RGL1: variants seen among roughly 807,000 people sequenced by gnomAD.
The protein encoded by RGL1 is ral guanine nucleotide dissociation stimulator-like 1.
In RGL1, 24 loss-of-function variants were observed where a neutral mutation model predicts 95.2. That is an observed-to-expected ratio of 0.25 (90% CI 0.18 to 0.35). The LOEUF (loss-of-function observed/expected upper bound fraction) is 0.35. Ranked by LOEUF, RGL1 falls within the 10% of genes least tolerant of loss-of-function variation. The pLI is 1.00. For missense variants in RGL1, 715 were observed against 936.3 expected (o/e 0.76, Z 3.08); for synonymous variants, 329 against 344.9 (o/e 0.95, Z 0.51).
intron 1 of RGL1, among the ~76,000 whole-genome samples, chr1:183,680,061 GTTGT>G (rs1553269258): frequency 2.0e-5 from 3 of 152,074 alleles, no homozygotes; most frequent in African/African-American, 4.8e-5. Flanking sequence ...TTTTGATGGG[GTTGT>G]TTGTTTTTTT....
At chr1:183,867,800 T>G (rs778809605) in intron 4 of RGL1, among the ~76,000 whole-genome samples, 2 of 152,160 alleles carry the variant, frequency 1.3e-5, no homozygotes, top group Admixed American at 6.5e-5. Context: ...ATATTCATTT[T>G]GGGGCCAAAA....
intron 1 of RGL1, among the ~76,000 whole-genome samples, chr1:183,657,336 A>T (rs1283235543): frequency 2.0e-5 from 3 of 152,204 alleles, no homozygotes; most frequent in African/African-American, 7.2e-5. Flanking sequence ...CATGTGCACA[A>T]CGTGCAGGTT....
chr1:183,790,622 G>C (rs534596283), intron 2 of RGL1, among the ~76,000 whole-genome samples: 7 of 152,200 alleles, frequency 4.6e-5, no homozygotes, highest in Admixed American at 6.5e-5. Context: ...TGAGGCACAG[G>C]ATACAATAAG....
chr1:183,692,637 A>G (rs1654013574), intron 1 of RGL1, among the ~76,000 whole-genome samples: 1 of 152,228 alleles, frequency 6.6e-6, no homozygotes, highest in African/African-American at 2.4e-5. Context: ...TTTTGCTATA[A>G]TTAGTTAAAA....
intron 1 of RGL1, among the ~76,000 whole-genome samples, chr1:183,668,137 T>G (rs1339367376): frequency 2.0e-5 from 3 of 152,218 alleles, no homozygotes; most frequent in Middle Eastern, 3.2e-3. Flanking sequence ...GTATTCATTC[T>G]CAAATGCTCT....
intron 3 of RGL1, among the ~76,000 whole-genome samples, chr1:183,849,494 T>G (rs1410282031): frequency 7.2e-6 from 1 of 138,844 alleles, no homozygotes; most frequent in African/African-American, 2.6e-5. Flanking sequence ...TTTTTTTTTT[T>G]TTTTTTTTTT....
chr1:183,654,846 G>T (rs775606800), intron 1 of RGL1, among the ~76,000 whole-genome samples: 1 of 152,218 alleles, frequency 6.6e-6, no homozygotes, highest in Admixed American at 6.5e-5. Flanking sequence ...AAAGGTAGTT[G>T]TCTGTTAGAT....
At chr1:183,721,264 T>C (rs1250456174) in intron 1 of RGL1, among the ~76,000 whole-genome samples, 2 of 152,214 alleles carry the variant, frequency 1.3e-5, no homozygotes, top group African/African-American at 4.8e-5. Context: ...TATTTTCCTG[T>C]TTCCTCTGTC....
intron 1 of RGL1, among the ~76,000 whole-genome samples, chr1:183,731,593 T>A (rs774494381): frequency 1.9e-4 from 29 of 152,150 alleles, no homozygotes; most frequent in Non-Finnish European, 3.4e-4. Context: ...AGCCAAATAG[T>A]AACATGGCCA....
At chr1:183,904,579 T>C (rs1476606437) in intron 12 of RGL1, among the ~76,000 whole-genome samples, 1 of 152,218 alleles carries the variant, frequency 6.6e-6, no homozygotes, top group Non-Finnish European at 1.5e-5. Flanking sequence ...TTTGGGTTGC[T>C]TTGGTAGCTT....
chr1:183,819,476 T>G (rs1662308155), intron 2 of RGL1, among the ~76,000 whole-genome samples: 1 of 152,226 alleles, frequency 6.6e-6, no homozygotes, highest in African/African-American at 2.4e-5. Context: ...ACACTTTTCT[T>G]TATTCTGTGG....
intron 2 of RGL1, among the ~76,000 whole-genome samples, chr1:183,783,178 G>A (rs1039775291): frequency 6.0e-5 from 9 of 150,760 alleles, no homozygotes; most frequent in South Asian, 2.1e-4. Flanking sequence ...TTCCAGCTCC[G>A]TTTTGGGGAA....
intron 2 of RGL1, among the ~76,000 whole-genome samples, chr1:183,746,458 A>G (rs1657635139): frequency 6.6e-6 from 1 of 152,076 alleles, no homozygotes; most frequent in Non-Finnish European, 1.5e-5. Flanking sequence ...AGATTCAGCC[A>G]CAAAAATATA....
Position 183,712,646 on chromosome 1 carries a change from A to G in RGL1, c.-32-29480A>G, listed in dbSNP as rs538953100. 2.6e-5 allele frequency among the ~76,000 whole-genome samples: 4 copies of G among 152,282 alleles called. No homozygotes were observed. The South Asian group carries it at 8.3e-4, about 32-fold the overall frequency. ...TTTGCTAGGATGATTTGTTTTTTGG[A>G]CAAGGAAGCTAACATGGTAAGTCAT... On this transcript the variant is annotated intron_variant, in intron 1 of 18. Transcript: ENST00000304685.
intron 1 of RGL1, among the ~76,000 whole-genome samples, chr1:183,665,619 T>A (rs1259053534): frequency 6.6e-6 from 1 of 152,208 alleles, no homozygotes; most frequent in African/African-American, 2.4e-5. Context: ...GAAGATTGTG[T>A]CTTTCAAGGA....
chr1:183,792,176 T>G (rs766721), intron 2 of RGL1, among the ~76,000 whole-genome samples: 27,328 of 151,940 alleles, frequency 0.18, 3,367 homozygotes, highest in African/African-American at 0.35. Flanking sequence ...GGGGTTTTTT[T>G]TTTGTTTGTT....
At chr1:183,821,153 A>AATT (rs1662463349) in intron 2 of RGL1, among the ~76,000 whole-genome samples, 1 of 151,996 alleles carries the variant, frequency 6.6e-6, no homozygotes, top group Non-Finnish European at 1.5e-5. Flanking sequence ...TAATAATAAT[A>AATT]ATAATACTTG....
chr1:183,738,249 G>T (rs1233539296), intron 1 of RGL1, among the ~76,000 whole-genome samples: 1 of 151,980 alleles, frequency 6.6e-6, no homozygotes, highest in South Asian at 2.1e-4. Context: ...GCGAAACCCC[G>T]TCTCTACTAA....
In RGL1 at chr1:183,729,454, A is replaced by G. The variant is rs548698310; in HGVS notation, c.-32-12672A>G. Among the ~76,000 whole-genome samples, 17 of 152,270 alleles carry G rather than the reference A, an allele frequency of 1.1e-4. No homozygotes were observed. The South Asian group carries it at 3.5e-3, about 32-fold the overall frequency. The stretch of plus-strand genomic sequence containing the variant: ...TAGAACATTAGAGTGGCTAAAATTA[A>G]AAGGACCCCAAATACTAACTGTTGA... On this transcript the variant is annotated intron_variant, in intron 1 of 18. Transcript: ENST00000304685.
Sources: gnomAD v4.1 joint callset for allele counts (sites outside exome capture counted in the v4.1 genomes callset) on GRCh38, gnomAD v4.1.1 for gene constraint, MANE v1.5 for transcripts, NCBI Gene and HGNC (gene_info 2026-07-23, HGNC 2026-07-21) for gene names.